The following CADPS variants were observed in gnomAD, a reference collection of about 807,000 sequenced individuals.
CADPS encodes the protein calcium-dependent secretion activator 1.
A neutral mutation model predicts 167.3 loss-of-function variants in CADPS; 57 were observed. That is an observed-to-expected ratio of 0.34 (90% CI 0.28 to 0.42). CADPS has a LOEUF of 0.42. Ranked by LOEUF, CADPS falls within the 20% of genes least tolerant of loss-of-function variation. The pLI, the probability that CADPS is intolerant of heterozygous loss-of-function variation, is 1.00. For missense variants in CADPS, 1,414 were observed against 1,738.1 expected (o/e 0.81, Z 3.32); for synonymous variants, 676 against 635.3 (o/e 1.06, Z -0.96).
At chr3:62,756,832 T>C (rs1379377542) in intron 2 of CADPS, among the ~76,000 whole-genome samples, 1 of 151,922 alleles carries the variant, frequency 6.6e-6, no homozygotes, top group African/African-American at 2.4e-5. Context: ...GCTGTGGCAA[T>C]GAGGGCTGGG....
intron 3 of CADPS, among the ~76,000 whole-genome samples, chr3:62,745,765 C>T (rs1032833136): frequency 6.6e-6 from 1 of 152,198 alleles, no homozygotes; most frequent in Non-Finnish European, 1.5e-5. Context: ...GAGGCCATAA[C>T]TGCCTTGGAC....
intron 3 of CADPS, among the ~76,000 whole-genome samples, chr3:62,707,359 C>T (rs13099959): frequency 0.7 from 106,057 of 151,952 alleles, 37,544 homozygotes; most frequent in East Asian, 0.86. Context: ...TTGTCTTCCA[C>T]AAAACCAGTC....
intron 3 of CADPS, among the ~76,000 whole-genome samples, chr3:62,700,760 G>A (rs2081240173): frequency 6.6e-6 from 1 of 152,090 alleles, no homozygotes; most frequent in Non-Finnish European, 1.5e-5. Flanking sequence ...CTGAGCACAG[G>A]ATTTTTAACT....
chr3:62,682,192 A>G (rs939579438), intron 3 of CADPS, among the ~76,000 whole-genome samples: 2 of 152,128 alleles, frequency 1.3e-5, no homozygotes, highest in African/African-American at 4.8e-5. Flanking sequence ...CTGTACCACA[A>G]TACAAGTATT....
intron 1 of CADPS, among the ~76,000 whole-genome samples, chr3:62,797,671 A>C (rs77776698): frequency 2.6e-5 from 4 of 152,042 alleles, no homozygotes; most frequent in Admixed American, 6.6e-5. Context: ...TTGGAGGGTG[A>C]AAGGTGGGAG....
At chr3:62,714,015 G>C (rs183456949) in intron 3 of CADPS, among the ~76,000 whole-genome samples, 26 of 152,108 alleles carry the variant, frequency 1.7e-4, no homozygotes, top group Admixed American at 4.6e-4. Flanking sequence ...ATCAACCTCA[G>C]TATTTATATA....
chr3:62,861,268 A>G (rs779992055), intron 1 of CADPS, among the ~76,000 whole-genome samples: 42 of 152,214 alleles, frequency 2.8e-4, no homozygotes, highest in Non-Finnish European at 5.4e-4. Context: ...TTGCACCTGC[A>G]GGGGCATATC....
chr3:62,535,739 T>C lies in CADPS; in HGVS notation c.2103+706A>G, dbSNP rs1416857774. On this transcript the variant is annotated intron_variant, in intron 12 of 29. Transcript: ENST00000383710. ...TTTTTTAGGCGTTTGAATTTGATAGTTTAAAGCCAAAAATGTATCTTCAGA... is the reference window on the plus strand; with the variant it reads ...TTTTTTAGGCGTTTGAATTTGATAGCTTAAAGCCAAAAATGTATCTTCAGA... 4.6e-5 allele frequency among the ~76,000 whole-genome samples: 7 copies of C among 152,042 alleles called. No individual in the cohort carries two copies. In the East Asian group the frequency reaches 1.4e-3, roughly 29 times the overall value.
intron 1 of CADPS, among the ~76,000 whole-genome samples, chr3:62,861,201 C>A (rs951769838): frequency 2.6e-5 from 4 of 152,164 alleles, no homozygotes; most frequent in East Asian, 1.9e-4. Context: ...TAGGTTCAAC[C>A]ATATGAGCTT....
rs2059810861 is a variant in CADPS at position 62,465,227 on chromosome 3, T to G, written c.3636+140A>C. ...GTTATTAAATGTTTGGCTTTTCACA[T>G]AGTGTTAATATTATACAATAGTTGA... On this transcript the variant is annotated intron_variant, in intron 26 of 29. Coordinates refer to ENST00000383710, the MANE Select transcript of CADPS (RefSeq NM_003716.4). This position sits in a 1 kb window ranked among gnomAD's most constrained non-coding sequence, Gnocchi z 4.1. The G allele has an allele frequency of 1.9e-6, 1 of 523,630 alleles. No homozygotes were observed. Among genetic ancestry groups the G allele is most frequent in the Non-Finnish European group, 3.5e-6 (1 of 289,138 alleles). The allele number at this position is 523,630 out of a possible 1,614,324, so 32.4% of individuals were successfully genotyped here. A position where few individuals can be genotyped will look rare whatever the true frequency, so the allele number is the denominator to read the frequency against.
At chr3:62,719,784 C>T (rs1306409769) in intron 3 of CADPS, among the ~76,000 whole-genome samples, 1 of 152,178 alleles carries the variant, frequency 6.6e-6, no homozygotes, top group African/African-American at 2.4e-5. Flanking sequence ...GTTAGGAAAA[C>T]ATTTCCAGCT....
chr3:62,418,109 C>T (rs960801688), intron 28 of CADPS, among the ~76,000 whole-genome samples: 3 of 151,944 alleles, frequency 2.0e-5, no homozygotes, highest in Admixed American at 2.0e-4. Flanking sequence ...TCCTAACAAC[C>T]TTAAGAAGTA....
At chr3:62,788,905 C>T (rs997711154) in intron 1 of CADPS, among the ~76,000 whole-genome samples, 1 of 152,150 alleles carries the variant, frequency 6.6e-6, no homozygotes, top group Admixed American at 6.5e-5. Context: ...ACCTGTGACT[C>T]GTCTTAAGTA....
intron 1 of CADPS, among the ~76,000 whole-genome samples, chr3:62,839,906 G>C (rs746009124): frequency 6.6e-6 from 1 of 152,162 alleles, no homozygotes; most frequent in Non-Finnish European, 1.5e-5. Context: ...GAGATCTCTA[G>C]CTTGGATGAC....
rs142809829 is a variant in CADPS, at chr3:62,585,470, G to T, written c.1438-146C>A. The T allele has an allele frequency of 4.1e-5, 29 of 714,444 alleles. No homozygotes were observed. The African/African-American group carries it at 4.5e-4, about 11-fold the overall frequency. The allele number at this position is 714,444 out of a possible 1,614,324, so 44.3% of individuals were successfully genotyped here. On this transcript the variant is annotated intron_variant, in intron 7 of 29. Coordinates refer to ENST00000383710, the MANE Select transcript of CADPS (RefSeq NM_003716.4). ...CCTGGGGATAGAAACACATTCTTTT[G>T]ATCCTTCCTGGCTAATTTTGTAAAA...
intron 8 of CADPS, among the ~76,000 whole-genome samples, chr3:62,571,547 A>T (rs1301502651): frequency 2.0e-5 from 3 of 152,060 alleles, no homozygotes. Context: ...AGCCGTCCGG[A>T]CATGTTAAGA....
At chr3:62,756,155 C>T (rs548896593) in intron 2 of CADPS, among the ~76,000 whole-genome samples, 5 of 151,546 alleles carry the variant, frequency 3.3e-5, no homozygotes, top group African/African-American at 4.9e-5. Context: ...TGGGTTCAAG[C>T]GATTCTCCTG....
intron 1 of CADPS, among the ~76,000 whole-genome samples, chr3:62,856,692 A>G: frequency 6.6e-6 from 1 of 152,058 alleles, no homozygotes; most frequent in South Asian, 2.1e-4. Flanking sequence ...AAATATTAAT[A>G]ATATTAATAC....
chr3:62,703,720 T>C (rs1236571132), intron 3 of CADPS, among the ~76,000 whole-genome samples: 1 of 152,160 alleles, frequency 6.6e-6, no homozygotes, highest in African/African-American at 2.4e-5. Context: ...GGTCACATGA[T>C]GTGTTACTTC....
Sources: allele counts gnomAD v4.1 joint callset (sites outside exome capture counted in the v4.1 genomes callset), GRCh38; gene constraint gnomAD v4.1.1; non-coding constraint Gnocchi (gnomAD v3.1); transcripts MANE v1.5; gene names NCBI Gene and HGNC (gene_info 2026-07-23, HGNC 2026-07-21).